The following CACNG5 variants were observed in gnomAD, a reference collection of about 807,000 sequenced individuals.
The protein encoded by CACNG5 is voltage-dependent calcium channel gamma-5 subunit.
A neutral mutation model predicts 24.8 loss-of-function variants in CACNG5; 18 were observed. The observed-to-expected ratio is 0.73, with a 90% CI of 0.50 to 1.08. CACNG5 has a LOEUF of 1.08. Ranked by LOEUF, CACNG5 falls within the 50% of genes least tolerant of loss-of-function variation. The pLI is 0.00. For synonymous variants in CACNG5, 157 were observed against 149.1 expected (o/e 1.05, Z -0.39); for missense variants, 349 against 367.9 (o/e 0.95, Z 0.42).
At chr17:66,882,435 A>G (rs960502489) in intron 4 of CACNG5, among the ~76,000 whole-genome samples, 60 of 152,114 alleles carry the variant, frequency 3.9e-4, no homozygotes, top group African/African-American at 1.3e-3. Context: ...CCAAAGATAG[A>G]GATTGGAGAG....
chr17:66,847,978 G>C (rs182049978), intron 1 of CACNG5, among the ~76,000 whole-genome samples: 4 of 152,330 alleles, frequency 2.6e-5, no homozygotes, highest in Admixed American at 2.6e-4. Flanking sequence ...GAGTGATGGG[G>C]TCAGGTGGGC....
At chr17:66,840,316 G>A (rs536051420) in intron 1 of CACNG5, among the ~76,000 whole-genome samples, 4 of 152,290 alleles carry the variant, frequency 2.6e-5, no homozygotes, top group African/African-American at 9.6e-5. Flanking sequence ...AGGAGGTCAG[G>A]GGAAGTTAAG....
At chr17:66,845,895 G>A (rs1976633627) in intron 1 of CACNG5, among the ~76,000 whole-genome samples, 1 of 152,192 alleles carries the variant, frequency 6.6e-6, no homozygotes, top group South Asian at 2.1e-4. Context: ...CTGGGAGGCA[G>A]GGAGCCACCT....
chr17:66,838,750 T>A (rs1976518995), intron 1 of CACNG5, among the ~76,000 whole-genome samples: 1 of 152,088 alleles, frequency 6.6e-6, no homozygotes. Context: ...TCCTCAGTCT[T>A]CCATAATGAG....
chr17:66,877,258 A>C lies in CACNG5; in HGVS notation c.-75A>C, dbSNP rs1598060614. On this transcript the variant is annotated 5_prime_UTR_variant, in exon 2 of 6. Transcript: ENST00000533854. ...CGTGGGTACTGCCACCTGCTCACCCACTCTCCCTAGCCCCAGAGCGCAGTC... is the reference window on the plus strand; with the variant it reads ...CGTGGGTACTGCCACCTGCTCACCCCCTCTCCCTAGCCCCAGAGCGCAGTC... 1.5e-6 allele frequency: 2 copies of C among 1,318,392 alleles called. No homozygotes were observed. The highest frequency in any genetic ancestry group is 2.7e-5 in the South Asian group (2 of 74,966). 81.7% of individuals were successfully genotyped at this position (1,318,392 alleles called of 1,614,324 possible). A position where few individuals can be genotyped will look rare whatever the true frequency, so the allele number is the denominator to read the frequency against.
At chr17:66,871,816 C>T (rs998388680) in intron 1 of CACNG5, among the ~76,000 whole-genome samples, 5 of 152,126 alleles carry the variant, frequency 3.3e-5, no homozygotes, top group African/African-American at 1.2e-4. Context: ...GCCAAGATCG[C>T]ACCACGGCAT....
rs1179904303 is a variant in CACNG5, at chr17:66,885,044, G to C, written c.632G>C (p.Arg211Thr). 9.9e-6 allele frequency: 16 copies of C among 1,614,176 alleles called. No individual in the cohort carries two copies. Among genetic ancestry groups the C allele is most frequent in the Non-Finnish European group, 1.4e-5 (16 of 1,180,024 alleles). ...CGGTACACCGCGGAGGACATGTACAGGCCCCACCCTGGCTTCTACCGCCCT... is the reference window on the plus strand; with the variant it reads ...CGGTACACCGCGGAGGACATGTACACGCCCCACCCTGGCTTCTACCGCCCT... ...MKRYTAEDMY[R>T]PHPGFYRPRL... Residue 211 changes from arginine to threonine, a missense_variant, in exon 6 of 6, where the codon AGG (arginine) becomes ACG (threonine). Arg to Thr is a moderately conservative substitution (Grantham distance 71). Transcript: ENST00000533854.
At chr17:66,842,632 G>A (rs919541680) in intron 1 of CACNG5, among the ~76,000 whole-genome samples, 4 of 152,198 alleles carry the variant, frequency 2.6e-5, no homozygotes, top group Non-Finnish European at 4.4e-5. Flanking sequence ...TGGAGTTAAA[G>A]AGAGGCAGGA....
intron 1 of CACNG5, among the ~76,000 whole-genome samples, chr17:66,864,885 T>C (rs1461707859): frequency 6.6e-6 from 1 of 152,252 alleles, no homozygotes; most frequent in African/African-American, 2.4e-5. Flanking sequence ...ATTGTATTCC[T>C]ATTTTAAAAT....
chr17:66,870,159 C>T lies in CACNG5; in HGVS notation c.-103-7071C>T, dbSNP rs567367915. Among the ~76,000 whole-genome samples the T allele has an allele frequency of 4.1e-4, 62 of 151,964 alleles. 1 individual carries two copies. Among genetic ancestry groups the T allele is most frequent in the Admixed American group, 3.3e-3 (50 of 15,280 alleles). On this transcript the variant is annotated intron_variant, in intron 1 of 5. Transcript: ENST00000533854. Reference sequence around the variant, plus strand: ...CTGTTTTATTGTGCTCATGATTTTGCGGGTGTGGAATTTGGGAAGTGCTCA... The same window carrying T: ...CTGTTTTATTGTGCTCATGATTTTGTGGGTGTGGAATTTGGGAAGTGCTCA...
At chr17:66,851,141 T>C (rs1050456861) in intron 1 of CACNG5, among the ~76,000 whole-genome samples, 2 of 152,002 alleles carry the variant, frequency 1.3e-5, no homozygotes, top group Non-Finnish European at 2.9e-5. Context: ...CCAGATTCTC[T>C]AGGAAGGTGG....
chr17:66,843,522 C>G (rs1976594241), intron 1 of CACNG5, among the ~76,000 whole-genome samples: 1 of 152,082 alleles, frequency 6.6e-6, no homozygotes, highest in African/African-American at 2.4e-5. Context: ...ATGACCTTAC[C>G]AGGAGGTAGA....
intron 1 of CACNG5, among the ~76,000 whole-genome samples, chr17:66,840,119 C>T (rs2144495747): frequency 6.6e-6 from 1 of 152,328 alleles, no homozygotes; most frequent in East Asian, 1.9e-4. Context: ...CTTTGCGGGG[C>T]TTTTGTTGGG....
At chr17:66,857,007 A>T (rs1976787646) in intron 1 of CACNG5, among the ~76,000 whole-genome samples, 1 of 152,058 alleles carries the variant, frequency 6.6e-6, no homozygotes, top group South Asian at 2.1e-4. Flanking sequence ...ATCATCAAAA[A>T]CAAATAAACT....
At chr17:66,842,645 C>CACTCTTTA (rs1976584370) in intron 1 of CACNG5, among the ~76,000 whole-genome samples, 1 of 152,158 alleles carries the variant, frequency 6.6e-6, no homozygotes, top group South Asian at 2.1e-4. Flanking sequence ...AGGCAGGACC[C>CACTCTTTA]ACAGCTCTTG....
At chr17:66,838,960 C>CT (rs71160595) in intron 1 of CACNG5, among the ~76,000 whole-genome samples, 4,824 of 87,986 alleles carry the variant, frequency 0.055, 537 homozygotes, top group African/African-American at 0.13. Flanking sequence ...CTCACCCATT[C>CT]TTTTTTTTTT....
chr17:66,875,111 T>C (rs1977057603), intron 1 of CACNG5, among the ~76,000 whole-genome samples: 1 of 152,202 alleles, frequency 6.6e-6, no homozygotes, highest in African/African-American at 2.4e-5. Context: ...AATGGGATGC[T>C]GTGGTTTCCC....
intron 1 of CACNG5, among the ~76,000 whole-genome samples, chr17:66,870,712 C>T (rs1447109465): frequency 6.6e-6 from 1 of 152,146 alleles, no homozygotes; most frequent in Non-Finnish European, 1.5e-5. Flanking sequence ...GGTGTGGTGG[C>T]TCACACCTAT....
chr17:66,885,621 C>G lies in CACNG5; in HGVS notation c.*381C>G, dbSNP rs1451374078. On this transcript the variant is annotated 3_prime_UTR_variant, in exon 6 of 6. Transcript: ENST00000533854. ...TGGGCCAGGGCCAGCTCTGAGATGC[C>G]AAGCTCCTTACACAGATGCAGCTGG... The G allele has an allele frequency of 9.2e-6, 2 of 218,556 alleles. No individual in the cohort carries two copies. The highest frequency in any genetic ancestry group is 4.6e-5 in the African/African-American group (2 of 43,688). 13.5% of individuals were successfully genotyped at this position (218,556 alleles called of 1,614,324 possible).
Sources: gnomAD v4.1 joint callset for allele counts (sites outside exome capture counted in the v4.1 genomes callset) on GRCh38, gnomAD v4.1.1 for gene constraint, MANE v1.5 for transcripts, NCBI Gene and HGNC (gene_info 2026-07-23, HGNC 2026-07-21) for gene names.